The following KCNAB1 variants were observed in gnomAD, a reference collection of about 807,000 sequenced individuals.
The protein encoded by KCNAB1 is voltage-gated potassium channel subunit beta-1.
KCNAB1 carries 35 observed loss-of-function variants against 64.6 expected under a neutral mutation model. The observed-to-expected ratio is 0.54, with a 90% CI of 0.41 to 0.72. The LOEUF is 0.72. KCNAB1 is among the 30% of genes least tolerant of loss of function. The probability of loss-of-function intolerance (pLI) is 0.00; values close to 1 mark genes in which losing one functional copy is unlikely to be tolerated. For missense variants in KCNAB1, 401 were observed against 512.9 expected (o/e 0.78, Z 2.11); for synonymous variants, 177 against 183.8 (o/e 0.96, Z 0.30).
chr3:156,257,488 CT>C (rs1229268193), intron 1 of KCNAB1, among the ~76,000 whole-genome samples: 1 of 152,132 alleles, frequency 6.6e-6, no homozygotes, highest in African/African-American at 2.4e-5. Context: ...ATCCGGGGTG[CT>C]TTGCCTGTTC....
chr3:156,439,874 C>T (rs1302597828), intron 2 of KCNAB1, among the ~76,000 whole-genome samples: 1 of 152,206 alleles, frequency 6.6e-6, no homozygotes, highest in Non-Finnish European at 1.5e-5. Context: ...CCCAGCCACC[C>T]TCCAAAATGT....
chr3:156,153,281 G>GGAT (rs1715524307), intron 1 of KCNAB1, among the ~76,000 whole-genome samples: 1 of 152,140 alleles, frequency 6.6e-6, no homozygotes, highest in Non-Finnish European at 1.5e-5. Context: ...TGATACTTGA[G>GGAT]GATGACATTG....
At chr3:156,515,045 G>C in intron 9 of KCNAB1, 55 bp from the exon 10 acceptor site, 1 of 1,502,942 alleles carries the variant, frequency 6.7e-7, no homozygotes, top group Non-Finnish European at 8.9e-7. Context: ...ACAAATTACA[G>C]CGAAGCCTTA....
intron 1 of KCNAB1, among the ~76,000 whole-genome samples, chr3:156,367,166 T>C (rs540369110): frequency 6.9e-6 from 1 of 145,596 alleles, no homozygotes; most frequent in African/African-American, 2.6e-5. Flanking sequence ...CTCAGAGTAA[T>C]CTACCTTTTT....
chr3:156,189,704 T>C (rs771111968), intron 1 of KCNAB1, among the ~76,000 whole-genome samples: 28 of 150,460 alleles, frequency 1.9e-4, no homozygotes, highest in Non-Finnish European at 3.1e-4. Context: ...TTCTTTTCAG[T>C]AATCGTCAGT....
intron 1 of KCNAB1, among the ~76,000 whole-genome samples, chr3:156,241,751 T>A (rs1717177297): frequency 6.6e-6 from 1 of 152,146 alleles, no homozygotes; most frequent in Non-Finnish European, 1.5e-5. Context: ...TTTTTTATTA[T>A]TATTTTTATT....
intron 1 of KCNAB1, among the ~76,000 whole-genome samples, chr3:156,163,487 G>A (rs918913429): frequency 5.3e-5 from 8 of 152,182 alleles, no homozygotes; most frequent in African/African-American, 1.4e-4. Context: ...ATAAGAATGA[G>A]ATTACTATCT....
chr3:156,349,234 A>G (rs181582697), intron 1 of KCNAB1, among the ~76,000 whole-genome samples: 106 of 152,292 alleles, frequency 7.0e-4, no homozygotes, highest in Admixed American at 3.1e-3. Context: ...TGGAAGAAAA[A>G]AAGTAGAGAA....
At chr3:156,199,376 G>A (rs1714178679) in intron 1 of KCNAB1, among the ~76,000 whole-genome samples, 1 of 152,136 alleles carries the variant, frequency 6.6e-6, no homozygotes, top group Non-Finnish European at 1.5e-5. Flanking sequence ...TTGCTAGGCT[G>A]GAGAAGTTCT....
chr3:156,533,244 A>G (rs1718825816), intron 13 of KCNAB1, among the ~76,000 whole-genome samples: 1 of 152,172 alleles, frequency 6.6e-6, no homozygotes. Context: ...TGTTTTTGCA[A>G]AAAGCCCCTC....
chr3:156,335,877 A>G lies in KCNAB1; in HGVS notation c.276-85739A>G, dbSNP rs572702545. ...GGTTTTTTTTTTTTTTTTGCATTACACAGATATGAAAATAATAGCTTGAGG... is the reference window on the plus strand; with the variant it reads ...GGTTTTTTTTTTTTTTTTGCATTACGCAGATATGAAAATAATAGCTTGAGG... On this transcript the variant is annotated intron_variant, in intron 1 of 13. Coordinates refer to ENST00000490337, the MANE Select transcript of KCNAB1 (RefSeq NM_172160.3). Among the ~76,000 whole-genome samples, 152 of 141,034 alleles carry G rather than the reference A, an allele frequency of 1.1e-3. 2 individuals carry two copies. The highest frequency in any genetic ancestry group is 1.6e-3 in the Non-Finnish European group (110 of 67,104). 92.5% of individuals were successfully genotyped at this position (141,034 alleles called of 152,430 possible).
At chr3:156,329,336 T>C (rs1482487573) in intron 1 of KCNAB1, among the ~76,000 whole-genome samples, 3 of 151,936 alleles carry the variant, frequency 2.0e-5, no homozygotes, top group Admixed American at 1.3e-4. Flanking sequence ...AAACAAGAGA[T>C]TGAGATGCTG....
chr3:156,276,929 T>A (rs190614853), intron 1 of KCNAB1, among the ~76,000 whole-genome samples: 1 of 152,216 alleles, frequency 6.6e-6, no homozygotes, highest in Non-Finnish European at 1.5e-5. Flanking sequence ...TTCCTTTGCA[T>A]TCACAACTTG....
rs150115122 is a variant in KCNAB1 at position 156,256,580 on chromosome 3, T to A, written c.275+135694T>A. 1.3e-3 allele frequency among the ~76,000 whole-genome samples: 196 copies of A among 152,346 alleles called. No individual in the cohort carries two copies. The South Asian group carries it at 0.017, about 13-fold the overall frequency. ...GTCTCCTCAGGCATCGTCTTCTGTT[T>A]TATGCTAAAAGCAGCGTTGAATCAG... is the stretch of plus-strand genomic sequence containing the variant. On this transcript the variant is annotated intron_variant, in intron 1 of 13. Coordinates refer to ENST00000490337, the MANE Select transcript of KCNAB1 (RefSeq NM_172160.3).
intron 1 of KCNAB1, among the ~76,000 whole-genome samples, chr3:156,121,464 G>C (rs979478682): frequency 1.3e-5 from 2 of 152,062 alleles, no homozygotes; most frequent in Admixed American, 6.5e-5. Flanking sequence ...ATAAATGTAA[G>C]GCAAATCTCT....
At chr3:156,229,978 GT>G (rs1351577432) in intron 1 of KCNAB1, among the ~76,000 whole-genome samples, 1 of 152,064 alleles carries the variant, frequency 6.6e-6, no homozygotes, top group Admixed American at 6.5e-5. Context: ...CTTATTGATT[GT>G]TTCATTATGT....
In KCNAB1 at chr3:156,452,732, A is replaced by C. The variant is rs1172397305; in HGVS notation, c.320-167A>C. Reference sequence around the variant, plus strand: ...TTCTGGAATACTTAGTGAGAAGAAGACAGACTAGACCAACTAGACCACAGC... The same window carrying C: ...TTCTGGAATACTTAGTGAGAAGAAGCCAGACTAGACCAACTAGACCACAGC... On this transcript the variant is annotated intron_variant, in intron 2 of 13. Coordinates refer to ENST00000490337, the MANE Select transcript of KCNAB1 (RefSeq NM_172160.3). The surrounding 1 kb of genome is among the most constrained non-coding windows in gnomAD (Gnocchi z 4.6). Among the ~76,000 whole-genome samples, 1 of 152,218 alleles carries C rather than the reference A, an allele frequency of 6.6e-6. No individual in the cohort carries two copies. The highest frequency in any genetic ancestry group is 1.5e-5 in the Non-Finnish European group (1 of 68,046).
chr3:156,316,671 A>G (rs1262034537), intron 1 of KCNAB1, among the ~76,000 whole-genome samples: 1 of 152,264 alleles, frequency 6.6e-6, no homozygotes, highest in Non-Finnish European at 1.5e-5. Context: ...AGCAGCTGCC[A>G]GCAGCTGAAG....
At chr3:156,132,880 G>T (rs1193100100) in intron 1 of KCNAB1, among the ~76,000 whole-genome samples, 1 of 152,186 alleles carries the variant, frequency 6.6e-6, no homozygotes, top group Non-Finnish European at 1.5e-5. Context: ...TATCCTCAAT[G>T]ATATTCTGGC....
Sources: allele counts gnomAD v4.1 joint callset (sites outside exome capture counted in the v4.1 genomes callset), GRCh38; gene constraint gnomAD v4.1.1; non-coding constraint Gnocchi (gnomAD v3.1); transcripts MANE v1.5; gene names NCBI Gene and HGNC (gene_info 2026-07-23, HGNC 2026-07-21).